SUGCT: variants seen among roughly 807,000 people sequenced by gnomAD.
SUGCT encodes succinyl-CoA:glutarate CoA-transferase.
Under a neutral mutation model 55.0 loss-of-function variants are expected in SUGCT, and 41 were observed. The ratio of observed to expected loss-of-function variants is 0.74; its 90% CI spans 0.58 to 0.97. The LOEUF is 0.97. SUGCT is among the 50% of genes least tolerant of loss of function. The probability of loss-of-function intolerance (pLI) is 0.00; values close to 1 mark genes in which losing one functional copy is unlikely to be tolerated. For missense variants in SUGCT, 568 were observed against 547.8 expected, an observed-to-expected ratio of 1.04 and a Z score of -0.37; for synonymous variants, 187 against 200.4, an observed-to-expected ratio of 0.93 and a Z score of 0.56.
chr7:40,747,824 C>T (rs1028944461), intron 12 of SUGCT, among the ~76,000 whole-genome samples: 10 of 152,022 alleles, frequency 6.6e-5, no homozygotes, highest in African/African-American at 1.7e-4. Context: ...TTTTTATTTG[C>T]GTATCACAAA....
At chr7:40,466,395 A>G (rs1010815168) in intron 11 of SUGCT, among the ~76,000 whole-genome samples, 1 of 152,034 alleles carries the variant, frequency 6.6e-6, no homozygotes, top group Non-Finnish European at 1.5e-5. Flanking sequence ...TAATCTCACT[A>G]CCTGCTATCA....
At chr7:40,356,229 T>A (rs1797881408) in intron 9 of SUGCT, among the ~76,000 whole-genome samples, 1 of 152,252 alleles carries the variant, frequency 6.6e-6, no homozygotes, top group South Asian at 2.1e-4. Flanking sequence ...CAACATTAGT[T>A]GTCATCGAAA....
intron 11 of SUGCT, among the ~76,000 whole-genome samples, chr7:40,470,828 TA>T (rs1230330550): frequency 6.6e-6 from 1 of 151,970 alleles, no homozygotes; most frequent in Non-Finnish European, 1.5e-5. Flanking sequence ...GTACACAACT[TA>T]AATCTCTAAA....
chr7:40,558,219 C>T (rs1658671276), intron 12 of SUGCT, among the ~76,000 whole-genome samples: 1 of 151,942 alleles, frequency 6.6e-6, no homozygotes, highest in Non-Finnish European at 1.5e-5. Context: ...GTAGTTTCTC[C>T]AGAAGTTAAA....
chr7:40,335,267 T>G (rs1409580771), intron 9 of SUGCT, among the ~76,000 whole-genome samples: 1 of 152,216 alleles, frequency 6.6e-6, no homozygotes, highest in Admixed American at 6.5e-5. Flanking sequence ...AACTTTAGTT[T>G]TTTCCAATTC....
intron 13 of SUGCT, among the ~76,000 whole-genome samples, chr7:40,820,235 T>G (rs1791913047): frequency 6.6e-6 from 1 of 152,090 alleles, no homozygotes; most frequent in South Asian, 2.1e-4. Context: ...TAGGATCGTC[T>G]TGACAATGTG....
chr7:40,405,684 CCTGTAGTCCCAGCTACTCGGGAGG>C (rs1192672268), intron 9 of SUGCT, among the ~76,000 whole-genome samples: 4 of 151,882 alleles, frequency 2.6e-5, no homozygotes, highest in Non-Finnish European at 5.9e-5. Flanking sequence ...GTGGTAGGTG[CCTGTAGTCCCAGCTACTCGGGAGG>C]CTGAGGCAGG....
intron 6 of SUGCT, among the ~76,000 whole-genome samples, chr7:40,219,441 G>A (rs1376116338): frequency 6.6e-6 from 1 of 152,180 alleles, no homozygotes; most frequent in Non-Finnish European, 1.5e-5. Flanking sequence ...ATACACACAT[G>A]TACTACTTTG....
At chr7:40,717,628 A>G (rs2128679969) in intron 12 of SUGCT, among the ~76,000 whole-genome samples, 1 of 152,340 alleles carries the variant, frequency 6.6e-6, no homozygotes, top group East Asian at 1.9e-4. Context: ...CAATATTTAT[A>G]AAACTGAAAT....
chr7:40,796,429 A>G (rs534795525), intron 13 of SUGCT, among the ~76,000 whole-genome samples: 90 of 152,288 alleles, frequency 5.9e-4, no homozygotes, highest in Middle Eastern at 6.8e-3. Flanking sequence ...TACTAACAAG[A>G]AGCATATTAG....
the SUGCT span, among the ~76,000 whole-genome samples, chr7:40,933,448 T>C: frequency 2.0e-5 from 3 of 152,202 alleles, no homozygotes; most frequent in Admixed American, 1.3e-4. Flanking sequence ...TTTGTGGCAT[T>C]CTCTGTATTT....
the SUGCT span, among the ~76,000 whole-genome samples, chr7:40,954,094 C>G: frequency 6.9e-6 from 1 of 145,874 alleles, no homozygotes; most frequent in Non-Finnish European, 1.6e-5. Flanking sequence ...CTGCAGTGGG[C>G]TCCACCCAGT....
At chr7:40,168,154 G>A (rs1784505781) in intron 1 of SUGCT, among the ~76,000 whole-genome samples, 1 of 152,226 alleles carries the variant, frequency 6.6e-6, no homozygotes, top group Non-Finnish European at 1.5e-5. Flanking sequence ...AAAGGTGGGT[G>A]TGGTCACCTT....
intron 12 of SUGCT, among the ~76,000 whole-genome samples, chr7:40,718,742 T>C (rs1180432972): frequency 6.6e-6 from 1 of 152,236 alleles, no homozygotes; most frequent in Non-Finnish European, 1.5e-5. Flanking sequence ...AAAAGCACTT[T>C]TAATATTTTA....
chr7:40,399,320 G>T (rs1329720181), intron 9 of SUGCT, among the ~76,000 whole-genome samples: 5 of 152,144 alleles, frequency 3.3e-5, no homozygotes, highest in African/African-American at 1.2e-4. Context: ...GAGGATTTAA[G>T]GTATTAAAAA....
chr7:40,759,573 G>A (rs28521430), intron 13 of SUGCT, among the ~76,000 whole-genome samples: 83,114 of 151,592 alleles, frequency 0.55, 24,451 homozygotes, highest in Admixed American at 0.71. Context: ...TCTTTAATCT[G>A]TCCTCTTTTC....
the SUGCT span, among the ~76,000 whole-genome samples, chr7:40,898,001 C>T: frequency 6.6e-6 from 1 of 152,136 alleles, no homozygotes; most frequent in Admixed American, 6.5e-5. Context: ...CGCTCAGGTT[C>T]CCTTCCGGTG....
chr7:40,844,141 G>T (rs1301786700), intron 13 of SUGCT, among the ~76,000 whole-genome samples: 1 of 152,132 alleles, frequency 6.6e-6, no homozygotes, highest in African/African-American at 2.4e-5. Context: ...TAGCTCTGCT[G>T]TCTGGGAAGG....
rs1238769384 is a variant in SUGCT, at chr7:40,695,727, TG to T, written c.1090-53704del. ...TTTAGTGTTGGCACTACTGACATTT[TG>T]GGTTAAGAATAATCGTTATGGGGGC... On this transcript the variant is annotated intron_variant, in intron 12 of 13. Transcript: ENST00000335693. 2.0e-5 allele frequency among the ~76,000 whole-genome samples: 3 copies of T among 152,270 alleles called. No individual in the cohort carries two copies. In the East Asian group the frequency reaches 5.8e-4, roughly 29 times the overall value.
Sources: allele counts gnomAD v4.1 joint callset (sites outside exome capture counted in the v4.1 genomes callset), GRCh38; gene constraint gnomAD v4.1.1; transcripts MANE v1.5; gene names NCBI Gene and HGNC (gene_info 2026-07-23, HGNC 2026-07-21).